LEMD1: variants seen among roughly 807,000 people sequenced by gnomAD.
The protein encoded by LEMD1 is LEM domain-containing protein 1.
LEMD1 carries 18 observed loss-of-function variants against 17.4 expected under a neutral mutation model. That is an observed-to-expected ratio of 1.04 (90% CI 0.72 to 1.54). LEMD1 has a LOEUF of 1.54. LEMD1 is among the 40% of genes most tolerant of loss of function. LEMD1 has a pLI of 0.00. For missense variants in LEMD1, 195 were observed against 210.4 expected, an observed-to-expected ratio of 0.93 and a Z score of 0.45; for synonymous variants, 88 against 77.8, an observed-to-expected ratio of 1.13 and a Z score of -0.69.
intron 1 of LEMD1, among the ~76,000 whole-genome samples, chr1:205,446,625 TAGG>T (rs112667647): frequency 1.8e-4 from 27 of 152,182 alleles, no homozygotes; most frequent in African/African-American, 6.3e-4. Flanking sequence ...GCTTTCCAGT[TAGG>T]AGATCAGGAG....
chr1:205,417,360 G>A (rs16855548), intron 3 of LEMD1, among the ~76,000 whole-genome samples: 20,288 of 152,194 alleles, frequency 0.13, 1,972 homozygotes, highest in African/African-American at 0.28. Flanking sequence ...CTACATGCTG[G>A]GACCCAGGAC....
At chr1:205,401,775 C>G (rs1490701757) in intron 4 of LEMD1, among the ~76,000 whole-genome samples, 1 of 152,060 alleles carries the variant, frequency 6.6e-6, no homozygotes, top group Non-Finnish European at 1.5e-5. Context: ...GAAGTCCTTG[C>G]CCATGCCTAT....
chr1:205,420,611 C>T, intron 1 of LEMD1, 37 bp from the exon 2 acceptor site: 2 of 1,131,112 alleles, frequency 1.8e-6, no homozygotes, highest in Non-Finnish European at 2.7e-6. Context: ...TTAAGACAGC[C>T]TTACCAATAA....
At chr1:205,434,247 G>A (rs1196228689) in intron 1 of LEMD1, among the ~76,000 whole-genome samples, 2 of 150,672 alleles carry the variant, frequency 1.3e-5, no homozygotes, top group African/African-American at 4.9e-5. Context: ...CTGGAATGCA[G>A]TGGCATGATC....
chr1:205,423,282 T>C (rs1354280201), upstream of LEMD1, among the ~76,000 whole-genome samples: 1 of 152,200 alleles, frequency 6.6e-6, no homozygotes, highest in Non-Finnish European at 1.5e-5. Flanking sequence ...AATGCAAATA[T>C]TTACCAACAT....
At chr1:205,436,581 CTG>C (rs1480952585) in intron 1 of LEMD1, 1 of 152,166 alleles carries the variant, frequency 6.6e-6, no homozygotes, top group Non-Finnish European at 1.5e-5. Context: ...ACTTGGGGGG[CTG>C]TGTTTGTGTT....
intron 4 of LEMD1, among the ~76,000 whole-genome samples, chr1:205,405,466 T>C (rs1665046045): frequency 6.8e-6 from 1 of 147,228 alleles, no homozygotes; most frequent in South Asian, 2.1e-4. Flanking sequence ...CTTCCATCAC[T>C]GATACACTTT....
intron 1 of LEMD1, among the ~76,000 whole-genome samples, chr1:205,427,825 G>A (rs568734397): frequency 1.3e-5 from 2 of 152,360 alleles, no homozygotes; most frequent in South Asian, 4.1e-4. Flanking sequence ...TACACAGTCT[G>A]TACATGCAGG....
At chr1:205,412,453 A>G (rs190609307) in intron 4 of LEMD1, among the ~76,000 whole-genome samples, 39 of 152,352 alleles carry the variant, frequency 2.6e-4, no homozygotes, top group African/African-American at 9.1e-4. Flanking sequence ...TGCATATTCC[A>G]TATCTCTAAG....
intron 4 of LEMD1, among the ~76,000 whole-genome samples, chr1:205,395,770 C>A (rs977814724): frequency 6.6e-6 from 1 of 151,732 alleles, no homozygotes; most frequent in South Asian, 2.1e-4. Flanking sequence ...CAATATATAA[C>A]GAGCTTCTAT....
At chr1:205,418,800 G>A (rs1455682306) in intron 3 of LEMD1, among the ~76,000 whole-genome samples, 2 of 152,186 alleles carry the variant, frequency 1.3e-5, no homozygotes, top group East Asian at 3.9e-4. Flanking sequence ...ACATGTAGGT[G>A]GGAGCCATCA....
intron 4 of LEMD1, among the ~76,000 whole-genome samples, chr1:205,398,216 A>G (rs759579706): frequency 9.9e-5 from 15 of 152,216 alleles, no homozygotes; most frequent in Non-Finnish European, 1.8e-4. Flanking sequence ...CTTTGACCCA[A>G]CTTGAATATA....
chr1:205,412,815 G>A (rs1665512933), intron 4 of LEMD1, among the ~76,000 whole-genome samples: 2 of 152,166 alleles, frequency 1.3e-5, no homozygotes, highest in African/African-American at 4.8e-5. Context: ...TATCGATGTG[G>A]TTTTATTTCA....
At position 205,409,538 on chromosome 1, in the gene LEMD1, G is replaced by A. The variant is rs184090992; in HGVS notation, c.270+6694C>T. Among the ~76,000 whole-genome samples, 465 of 152,148 alleles carry A rather than the reference G, an allele frequency of 3.1e-3. 1 individual carries two copies. The highest frequency in any genetic ancestry group is 5.6e-3 in the Non-Finnish European group (378 of 68,006). On this transcript the variant is annotated intron_variant, in intron 4 of 5. Transcript: ENST00000367153. ...AGATGAGGAAACTAAGACATAGAGA[G>A]GTTGAGTGTCTTGTCCAAGTTAGTA...
At chr1:205,438,541 T>C (rs1666243914) in intron 1 of LEMD1, among the ~76,000 whole-genome samples, 1 of 152,198 alleles carries the variant, frequency 6.6e-6, no homozygotes, top group Non-Finnish European at 1.5e-5. Flanking sequence ...CTTCCTGAGA[T>C]GCTAAAAGGA....
In LEMD1 at chr1:205,411,430, A is replaced by C. The variant is rs542240299; in HGVS notation, c.270+4802T>G. ...TTTAGCCGGGCGTGGTGGCGGGCGC[A>C]TGTAGTCCCAGCTACCCGGAGAGGC... On this transcript the variant is annotated intron_variant, in intron 4 of 5. Transcript: ENST00000367153. Among the ~76,000 whole-genome samples the C allele has an allele frequency of 4.0e-3, 600 of 151,768 alleles. 7 individuals carry two copies. Among genetic ancestry groups the C allele is most frequent in the African/African-American group, 0.013 (555 of 41,396 alleles).
At chr1:205,405,555 G>A (rs1207840915) in intron 4 of LEMD1, among the ~76,000 whole-genome samples, 1 of 143,700 alleles carries the variant, frequency 7.0e-6, no homozygotes, top group Non-Finnish European at 1.5e-5. Context: ...AGCTCCATCA[G>A]CTCCTTTAAG....
chr1:205,400,928 T>C (rs1233138201), intron 4 of LEMD1, among the ~76,000 whole-genome samples: 2 of 143,934 alleles, frequency 1.4e-5, no homozygotes, highest in Non-Finnish European at 3.0e-5. Flanking sequence ...TTCCCATCTA[T>C]GAGTGAGAAC....
chr1:205,437,026 G>C (rs896474232), intron 1 of LEMD1: 3 of 152,804 alleles, frequency 2.0e-5, no homozygotes, highest in East Asian at 1.9e-4. Context: ...CAGAACACTG[G>C]GGGGCTGTGG....
Sources: allele counts gnomAD v4.1 joint callset (sites outside exome capture counted in the v4.1 genomes callset), GRCh38; gene constraint gnomAD v4.1.1; transcripts MANE v1.5; gene names NCBI Gene and HGNC (gene_info 2026-07-23, HGNC 2026-07-21).